ZMAT4: variants seen among roughly 807,000 people sequenced by gnomAD.
ZMAT4 encodes the protein zinc finger matrin-type protein 4.
A neutral mutation model predicts 28.7 loss-of-function variants in ZMAT4; 17 were observed. The observed-to-expected ratio is 0.59, with a 90% CI of 0.41 to 0.89. ZMAT4 has a LOEUF of 0.89. ZMAT4 is among the 40% of genes least tolerant of loss of function. The pLI is 0.00. For synonymous variants in ZMAT4, 117 were observed against 109.2 expected (o/e 1.07, Z -0.44); for missense variants, 240 against 283.8 (o/e 0.85, Z 1.11).
At chr8:40,589,813 CT>C (rs138443120) in intron 5 of ZMAT4, among the ~76,000 whole-genome samples, 31,893 of 142,904 alleles carry the variant, frequency 0.22, 4,084 homozygotes, top group Non-Finnish European at 0.3. Context: ...TCTTTCCTTT[CT>C]TTTTTATTTC....
chr8:40,838,645 C>T (rs185272116), intron 1 of ZMAT4, among the ~76,000 whole-genome samples: 67 of 152,298 alleles, frequency 4.4e-4, no homozygotes, highest in Admixed American at 3.6e-3. Context: ...AACCATCCTG[C>T]CCACCTACCA....
In ZMAT4 at chr8:40,811,343, G is replaced by A. The variant is rs184618563; in HGVS notation, c.102+14232C>T. On this transcript the variant is annotated intron_variant, in intron 2 of 6. Transcript: ENST00000297737. ...CCCAGGGCTGGGTATATTTCCATAG[G>A]GAAAGGGGATACATGATCTGTGCAA... Among the ~76,000 whole-genome samples, 679 of 152,238 alleles carry A rather than the reference G, an allele frequency of 4.5e-3. 1 individual carries two copies. Among genetic ancestry groups the A allele is most frequent in the Non-Finnish European group, 8.5e-3 (579 of 68,014 alleles).
chr8:40,575,164 G>A (rs980160524), intron 6 of ZMAT4, among the ~76,000 whole-genome samples: 4 of 152,094 alleles, frequency 2.6e-5, no homozygotes, highest in African/African-American at 9.7e-5. Flanking sequence ...GTCAACCCCA[G>A]GCTGTCCAAG....
intron 4 of ZMAT4, among the ~76,000 whole-genome samples, chr8:40,687,119 T>G (rs1809444289): frequency 6.6e-6 from 1 of 152,122 alleles, no homozygotes; most frequent in Non-Finnish European, 1.5e-5. Context: ...ATAGAAAGTA[T>G]ATATAAGAGG....
At chr8:40,708,807 G>C (rs1010858173) in intron 3 of ZMAT4, among the ~76,000 whole-genome samples, 1 of 151,402 alleles carries the variant, frequency 6.6e-6, no homozygotes. Flanking sequence ...GCACCACCGC[G>C]ACAGCTAATT....
intron 5 of ZMAT4, among the ~76,000 whole-genome samples, chr8:40,613,088 G>A (rs1403219287): frequency 6.6e-6 from 1 of 151,436 alleles, no homozygotes; most frequent in Non-Finnish European, 1.5e-5. Flanking sequence ...TGAGATTACA[G>A]GTGTGAGCCA....
chr8:40,764,083 G>A (rs1292489829), intron 3 of ZMAT4, among the ~76,000 whole-genome samples: 1 of 152,094 alleles, frequency 6.6e-6, no homozygotes, highest in African/African-American at 2.4e-5. Context: ...TGACCCACGG[G>A]TCTGAAGATA....
At chr8:40,576,745 CAA>C (rs1804279329) in intron 6 of ZMAT4, among the ~76,000 whole-genome samples, 1 of 151,994 alleles carries the variant, frequency 6.6e-6, no homozygotes, top group African/African-American at 2.4e-5. Flanking sequence ...GACAGATAAA[CAA>C]AAGAGAAAGG....
chr8:40,694,518 C>T (rs1016727477), intron 4 of ZMAT4, among the ~76,000 whole-genome samples: 2 of 152,098 alleles, frequency 1.3e-5, no homozygotes, highest in South Asian at 2.1e-4. Flanking sequence ...TTCCCAACAC[C>T]GGCACACTGC....
At chr8:40,779,464 C>A (rs931484482) in intron 2 of ZMAT4, among the ~76,000 whole-genome samples, 6 of 151,994 alleles carry the variant, frequency 3.9e-5, no homozygotes, top group Non-Finnish European at 8.8e-5. Flanking sequence ...GTTTACATTT[C>A]TAGAGGTGAG....
chr8:40,857,291 C>A (rs1206911275), intron 1 of ZMAT4, among the ~76,000 whole-genome samples: 1 of 152,016 alleles, frequency 6.6e-6, no homozygotes, highest in Non-Finnish European at 1.5e-5. Context: ...GAGGTGAAGG[C>A]TGCAGTGAGC....
chr8:40,566,443 G>T (rs916943805), intron 6 of ZMAT4, among the ~76,000 whole-genome samples: 1 of 152,110 alleles, frequency 6.6e-6, no homozygotes, highest in African/African-American at 2.4e-5. Context: ...TTTAGAAGGG[G>T]TGCAGCAGAG....
intron 5 of ZMAT4, among the ~76,000 whole-genome samples, chr8:40,600,751 C>T (rs1805273306): frequency 1.3e-5 from 2 of 152,158 alleles, no homozygotes; most frequent in South Asian, 4.1e-4. Flanking sequence ...GTCCTGATAC[C>T]AGGGCCTTTG....
At chr8:40,555,576 G>A (rs1321777231) in intron 6 of ZMAT4, among the ~76,000 whole-genome samples, 1 of 152,124 alleles carries the variant, frequency 6.6e-6, no homozygotes, top group African/African-American at 2.4e-5. Flanking sequence ...TAAAGAAACT[G>A]AAACTCACAG....
chr8:40,665,227 A>AC lies in ZMAT4; in HGVS notation c.577+9476_577+9477insG, dbSNP rs569146659. Among the ~76,000 whole-genome samples the AC allele has an allele frequency of 1.7e-3, 259 of 150,870 alleles. 3 individuals are homozygous for AC. The highest frequency in any genetic ancestry group is 6.0e-3 in the African/African-American group (244 of 40,876). On this transcript the variant is annotated intron_variant, in intron 5 of 6. Transcript: ENST00000297737. ...TCAAAAAAACAAACAACAACAAAAA[A>AC]ACACACACACAAAAAAAACAAAAAA... is the stretch of plus-strand genomic sequence containing the variant.
Position 40,589,582 on chromosome 8 carries a change from G to T in ZMAT4, c.578-8321C>A, listed in dbSNP as rs796230215. ...AGCTTAAAGGTTTGAAGAAACCATT[G>T]GTCCCTCCAGACTCCATAGGGTTTG... On this transcript the variant is annotated intron_variant, in intron 5 of 6. Coordinates refer to ENST00000297737, the MANE Select transcript of ZMAT4 (RefSeq NM_024645.3). Among the ~76,000 whole-genome samples the T allele has an allele frequency of 4.6e-5, 7 of 152,188 alleles. 1 individual carries two copies. The highest frequency in any genetic ancestry group is 1.7e-4 in the African/African-American group (7 of 41,534).
chr8:40,820,343 T>C (rs1234672312), intron 2 of ZMAT4, among the ~76,000 whole-genome samples: 1 of 151,154 alleles, frequency 6.6e-6, no homozygotes, highest in Non-Finnish European at 1.5e-5. Context: ...TATGTGTGTG[T>C]TTATGTGTGT....
chr8:40,673,774 T>C (rs1295319400), intron 5 of ZMAT4, among the ~76,000 whole-genome samples: 1 of 152,150 alleles, frequency 6.6e-6, no homozygotes, highest in African/African-American at 2.4e-5. Context: ...TCCACAGAAG[T>C]AATCCTCACG....
At chr8:40,537,248 G>A (rs1802876609) in intron 6 of ZMAT4, among the ~76,000 whole-genome samples, 2 of 152,040 alleles carry the variant, frequency 1.3e-5, no homozygotes, top group African/African-American at 2.4e-5. Context: ...CATTCAGGAC[G>A]ACTGAAAGTA....
Sources: gnomAD v4.1 joint callset for allele counts (sites outside exome capture counted in the v4.1 genomes callset) on GRCh38, gnomAD v4.1.1 for gene constraint, MANE v1.5 for transcripts, NCBI Gene and HGNC (gene_info 2026-07-23, HGNC 2026-07-21) for gene names.